Variants in PHF1 observed in about 807,000 individuals in gnomAD.
The protein encoded by PHF1 is PHD finger protein 1.
In PHF1, 16 loss-of-function variants were observed where a neutral mutation model predicts 69.4. The ratio of observed to expected loss-of-function variants is 0.23; its 90% CI spans 0.16 to 0.35. The LOEUF is 0.35. PHF1 is among the 10% of genes least tolerant of loss of function. The probability of loss-of-function intolerance (pLI) is 1.00; values close to 1 mark genes in which losing one functional copy is unlikely to be tolerated. For missense variants in PHF1, 515 were observed against 732.8 expected (o/e 0.70, Z 3.43); for synonymous variants, 274 against 275.0 (o/e 1.00, Z 0.04).
rs373132487 is a variant in PHF1 at position 33,413,293 on chromosome 6, C to T, written c.435C>T (p.Thr145=). Residue 145 remains threonine (T), a synonymous_variant, in exon 5 of 15, where the codon ACC becomes ACT. Transcript: ENST00000374516. ...GCCAGTGTGTCTTTGCGATCGCCAC[C>T]AAGGTAAAGGCACTTCCCTGTTACC... is the stretch of plus-strand genomic sequence containing the variant. The part of the protein sequence containing the change: ...VCRQCVFAIA[T]KRGGALKKGP... The T allele has an allele frequency of 1.9e-5, 30 of 1,613,448 alleles. No homozygotes were observed. In the African/African-American group the frequency reaches 3.7e-4, roughly 20 times the overall value.
rs754470379 is a variant in PHF1 at position 33,413,272 on chromosome 6, G to C, written c.414G>C (p.Gln138His). The C allele has an allele frequency of 1.2e-6, 2 of 1,613,902 alleles. No individual in the cohort carries two copies. The highest frequency in any genetic ancestry group is 2.7e-5 in the African/African-American group (2 of 74,918). ...EGEGTSWVCR[Q>H]CVFAIATKRG... ...AGGGCACATCCTGGGTATGCCGCCA[G>C]TGTGTCTTTGCGATCGCCACCAAGG... The change falls in exon 5 of 15, where the codon CAG becomes CAC. Residue 138 changes from glutamine to histidine, a missense_variant. Gln to His is a conservative substitution (Grantham distance 24). Transcript: ENST00000374516.
In PHF1 at chr6:33,416,119, T is replaced by C. The variant is rs564266452; in HGVS notation, c.*21T>C. On this transcript the variant is annotated 3_prime_UTR_variant, in exon 15 of 15. Transcript: ENST00000374516. ...TCTGAACAGCCTGCCTCTGCCCAGC[T>C]CCCCATTCACACACACCGGCACTTT... The C allele has an allele frequency of 4.0e-5, 61 of 1,514,184 alleles. No homozygotes were observed. In the East Asian group the frequency reaches 1.2e-3, roughly 30 times the overall value. 93.8% of individuals were successfully genotyped at this position (1,514,184 alleles called of 1,614,324 possible).
intron 1 of PHF1, among the ~76,000 whole-genome samples, chr6:33,411,668 C>T (rs1433352612): frequency 6.6e-6 from 1 of 151,696 alleles, no homozygotes; most frequent in African/African-American, 2.4e-5. Flanking sequence ...CCCAGGAGAG[C>T]TCTGGAAGCT....
At chr6:33,415,756 T>TTCACATG in intron 14 of PHF1, 54 bp from the exon 15 acceptor site, 1 of 1,602,846 alleles carries the variant, frequency 6.2e-7, no homozygotes, top group Non-Finnish European at 8.5e-7. Context: ...GTTTCTCTGA[T>TTCACATG]TCACATGTGC....
Position 33,415,700 on chromosome 6 carries a change from G to A in PHF1, c.1415+30G>A, listed in dbSNP as rs377242808. ...GATTCTGTCTTCTATTACCAGTGAT[G>A]CTCTTCTTCCCCTCTATGTGCTCAA... On this transcript the variant is annotated intron_variant, in intron 14 of 14. Transcript: ENST00000374516. 22 of 1,611,050 alleles carry A rather than the reference G, an allele frequency of 1.4e-5. No homozygotes were observed. In the African/African-American group the frequency reaches 2.8e-4, roughly 21 times the overall value.
Position 33,414,868 on chromosome 6 carries a change from G to T in PHF1, c.1049+39G>T, listed in dbSNP as rs1240233339. The T allele has an allele frequency of 6.3e-7, 1 of 1,580,172 alleles. No homozygotes were observed. Among genetic ancestry groups the T allele is most frequent in the South Asian group, 1.1e-5 (1 of 89,008 alleles). The stretch of plus-strand genomic sequence containing the variant: ...GGGGGATGGGGGAAATTCTCAGGGT[G>T]TTAGTCCTGGGGGGTATATGTATAG... On this transcript the variant is annotated intron_variant, in intron 11 of 14. Transcript: ENST00000374516. The surrounding 1 kb of genome is among the most constrained non-coding windows in gnomAD (Gnocchi z 5.0).
Position 33,414,922 on chromosome 6 carries a change from AG to A in PHF1, c.1050-28del. ...TGGGGAGGTCTTGGGGGTGTCCGGG[AG>A]GGGGCTGGGGGGATAAGGAGGCCTC... On this transcript the variant is annotated intron_variant, in intron 11 of 14. Coordinates refer to ENST00000374516, the MANE Select transcript of PHF1 (RefSeq NM_024165.3). The surrounding 1 kb of genome is among the most constrained non-coding windows in gnomAD (Gnocchi z 5.0). 2 of 1,242,148 alleles carry A rather than the reference AG, an allele frequency of 1.6e-6. No individual in the cohort carries two copies. The highest frequency in any genetic ancestry group is 3.6e-5 in the Admixed American group (1 of 27,600). The allele number at this position is 1,242,148 out of a possible 1,614,324, so 76.9% of individuals were successfully genotyped here.
chr6:33,412,613 T>C lies in PHF1; in HGVS notation c.241+24T>C. 1 of 1,613,492 alleles carries C rather than the reference T, an allele frequency of 6.2e-7. No individual in the cohort carries two copies. Among genetic ancestry groups the C allele is most frequent in the Non-Finnish European group, 8.5e-7 (1 of 1,179,370 alleles). The stretch of plus-strand genomic sequence containing the variant: ...TGGTAAGACTCTAGAGACCTGAGAT[T>C]GCACATCCCATGGAAAACAAACCTG... On this transcript the variant is annotated intron_variant, in intron 3 of 14. Coordinates refer to ENST00000374516, the MANE Select transcript of PHF1 (RefSeq NM_024165.3). This position sits in a 1 kb window ranked among gnomAD's most constrained non-coding sequence, Gnocchi z 4.2.
In PHF1 at chr6:33,412,204, C is replaced by G; in HGVS notation, c.-16-44C>G. On this transcript the variant is annotated intron_variant, in intron 1 of 14. Coordinates refer to ENST00000374516, the MANE Select transcript of PHF1 (RefSeq NM_024165.3). The surrounding 1 kb of genome is among the most constrained non-coding windows in gnomAD (Gnocchi z 4.2). Reference sequence around the variant, plus strand: ...AAGAAAAAGAAAATGGGGAAGGTTTCTCAGCATTCATAACCTTCTCCTCCC... The same window carrying G: ...AAGAAAAAGAAAATGGGGAAGGTTTGTCAGCATTCATAACCTTCTCCTCCC... 1 of 1,240,966 alleles carries G rather than the reference C, an allele frequency of 8.1e-7. No individual in the cohort carries two copies. The highest frequency in any genetic ancestry group is 1.2e-6 in the Non-Finnish European group (1 of 869,290). The allele number at this position is 1,240,966 out of a possible 1,614,324, so 76.9% of individuals were successfully genotyped here. A position where few individuals can be genotyped will look rare whatever the true frequency, so the allele number is the denominator to read the frequency against.
chr6:33,413,108 G>C, intron 4 of PHF1, 88 bp from the exon 5 acceptor site: 1 of 1,149,822 alleles, frequency 8.7e-7, no homozygotes, highest in East Asian at 2.3e-5. Flanking sequence ...CCATGGTCAG[G>C]GATTAAATGA....
intron 13 of PHF1, 105 bp from the exon 14 acceptor site, chr6:33,415,484 TG>T: frequency 7.6e-7 from 1 of 1,314,226 alleles, no homozygotes; most frequent in Non-Finnish European, 1.1e-6. Flanking sequence ...GCCAGTATTC[TG>T]GGGAAGGGAG....
At position 33,414,491 on chromosome 6, in the gene PHF1, C is replaced by G. The variant is rs373439668; in HGVS notation, c.891C>G (p.Pro297=). The change falls in exon 10 of 15, where the codon CCC becomes CCG. Residue 297 remains proline, a synonymous_variant. Transcript: ENST00000374516. The surrounding 1 kb of genome is among the most constrained non-coding windows in gnomAD (Gnocchi z 5.0). ...SLLLGELSDT[P]KGERSSRLLS... ...ATTTCTCCCAGCTTTCAGACACCCC[C>G]AAAGGAGAACGTTCTTCCAGGCTCC... The G allele has an allele frequency of 1.2e-6, 2 of 1,613,988 alleles. No homozygotes were observed. The highest frequency in any genetic ancestry group is 2.2e-5 in the South Asian group (2 of 91,080).
rs138734488 is a variant in PHF1 at position 33,415,870 on chromosome 6, G to A, written c.1476G>A (p.Ser492=). The change falls in exon 15 of 15, where the codon TCG becomes TCA. Residue 492 remains serine, a synonymous_variant. Transcript: ENST00000374516. ...PTDIPKSAPH[S]MTASSSSVSS... is the part of the protein sequence containing the mutation. Reference sequence around the variant, plus strand: ...ACATCCCTAAAAGTGCCCCCCACTCGATGACTGCCTCATCTTCCTCAGTTT... The same window carrying A: ...ACATCCCTAAAAGTGCCCCCCACTCAATGACTGCCTCATCTTCCTCAGTTT... 39 of 1,610,270 alleles carry A rather than the reference G, an allele frequency of 2.4e-5. No homozygotes were observed. The African/African-American group carries it at 3.6e-4, about 15-fold the overall frequency.
chr6:33,416,262 T>C lies in PHF1; in HGVS notation c.*164T>C. 1.9e-6 allele frequency: 1 copy of C among 530,124 alleles called. No homozygotes were observed. The highest frequency in any genetic ancestry group is 3.2e-6 in the Non-Finnish European group (1 of 309,924). The allele number at this position is 530,124 out of a possible 1,614,324, so 32.8% of individuals were successfully genotyped here. A position where few individuals can be genotyped will look rare whatever the true frequency, so the allele number is the denominator to read the frequency against. Reference sequence around the variant, plus strand: ...GGGGAGTGGGGAAGAGGCCCTCTTCTCTACCCTCCTTCATGATTCCTGACC... The same window carrying C: ...GGGGAGTGGGGAAGAGGCCCTCTTCCCTACCCTCCTTCATGATTCCTGACC... On this transcript the variant is annotated 3_prime_UTR_variant, in exon 15 of 15. Coordinates refer to ENST00000374516, the MANE Select transcript of PHF1 (RefSeq NM_024165.3).
chr6:33,413,568 A>G lies in PHF1; in HGVS notation c.587+11A>G. 1 of 1,614,106 alleles carries G rather than the reference A, an allele frequency of 6.2e-7. No individual in the cohort carries two copies. The highest frequency in any genetic ancestry group is 8.5e-7 in the Non-Finnish European group (1 of 1,179,992). Reference sequence around the variant, plus strand: ...TGGTGGCCCTGGGGAGTGAGTAATGAGAGGGGAGCAGACTGTGGAATGAAT... The same window carrying G: ...TGGTGGCCCTGGGGAGTGAGTAATGGGAGGGGAGCAGACTGTGGAATGAAT... On this transcript the variant is annotated intron_variant, in intron 6 of 14. Coordinates refer to ENST00000374516, the MANE Select transcript of PHF1 (RefSeq NM_024165.3).
At position 33,414,949 on chromosome 6, in the gene PHF1, T is replaced by C; in HGVS notation, c.1050-6T>C. ...GGGGCTGGGGGGATAAGGAGGCCTC[T>C]TACAGCTTCCCTTCAGGGCAGGGCC... On this transcript the variant is annotated splice_polypyrimidine_tract_variant and splice_region_variant and intron_variant, in intron 11 of 14. Coordinates refer to ENST00000374516, the MANE Select transcript of PHF1 (RefSeq NM_024165.3). This position sits in a 1 kb window ranked among gnomAD's most constrained non-coding sequence, Gnocchi z 5.0. 1 of 1,524,978 alleles carries C rather than the reference T, an allele frequency of 6.6e-7. No individual in the cohort carries two copies. The highest frequency in any genetic ancestry group is 8.8e-7 in the Non-Finnish European group (1 of 1,134,738). 94.5% of individuals were successfully genotyped at this position (1,524,978 alleles called of 1,614,324 possible). A position where few individuals can be genotyped will look rare whatever the true frequency, so the allele number is the denominator to read the frequency against.
Position 33,416,136 on chromosome 6 carries a change from C to A in PHF1, c.*38C>A. The stretch of plus-strand genomic sequence containing the variant: ...TGCCCAGCTCCCCATTCACACACAC[C>A]GGCACTTTCATACCCTGACCTCTGA... On this transcript the variant is annotated 3_prime_UTR_variant, in exon 15 of 15. Transcript: ENST00000374516. The A allele has an allele frequency of 5.3e-6, 8 of 1,495,686 alleles. No homozygotes were observed. The highest frequency in any genetic ancestry group is 7.1e-6 in the Non-Finnish European group (8 of 1,122,988). 92.7% of individuals were successfully genotyped at this position (1,495,686 alleles called of 1,614,324 possible). A position where few individuals can be genotyped will look rare whatever the true frequency, so the allele number is the denominator to read the frequency against.
Position 33,413,136 on chromosome 6 carries a change from C to G in PHF1, c.338-60C>G, listed in dbSNP as rs138332034. The G allele has an allele frequency of 2.7e-5, 37 of 1,375,054 alleles. No individual in the cohort carries two copies. In the Admixed American group the frequency reaches 4.7e-4, roughly 17 times the overall value. The allele number at this position is 1,375,054 out of a possible 1,614,324, so 85.2% of individuals were successfully genotyped here. A position where few individuals can be genotyped will look rare whatever the true frequency, so the allele number is the denominator to read the frequency against. On this transcript the variant is annotated intron_variant, in intron 4 of 14. Coordinates refer to ENST00000374516, the MANE Select transcript of PHF1 (RefSeq NM_024165.3). Reference sequence around the variant, plus strand: ...TTAAATGAGATGGGTAAAGACTATTCCTGTCCCAATACCAAGCACACACAG... The same window carrying G: ...TTAAATGAGATGGGTAAAGACTATTGCTGTCCCAATACCAAGCACACACAG...
rs1173256421 is a variant in PHF1 at position 33,411,170 on chromosome 6, C to T, written c.-62C>T. ...CCGCGCGGGGGACTCGCCTAGGTCT[C>T]CTACGTCTGCCCCTGCCCGGCTCCC... On this transcript the variant is annotated 5_prime_UTR_variant, in exon 1 of 15. Transcript: ENST00000374516. 1 of 152,058 alleles carries T rather than the reference C, an allele frequency of 6.6e-6. No individual in the cohort carries two copies. Among genetic ancestry groups the T allele is most frequent in the African/African-American group, 2.4e-5 (1 of 41,334 alleles). 9.4% of individuals were successfully genotyped at this position (152,058 alleles called of 1,614,324 possible).
Sources: allele counts gnomAD v4.1 joint callset (sites outside exome capture counted in the v4.1 genomes callset), GRCh38; gene constraint gnomAD v4.1.1; non-coding constraint Gnocchi (gnomAD v3.1); transcripts MANE v1.5; gene names NCBI Gene and HGNC (gene_info 2026-07-23, HGNC 2026-07-21).